Variants in AKAP10 observed in about 807,000 individuals in gnomAD.
The protein encoded by AKAP10 is A-kinase anchoring protein 10, also known as A-kinase anchor protein 10, mitochondrial.
A neutral mutation model predicts 80.8 loss-of-function variants in AKAP10; 24 were observed. The observed-to-expected ratio is 0.30, with a 90% CI of 0.22 to 0.42. AKAP10 has a LOEUF of 0.42. Among genes scored for constraint, AKAP10 ranks in the 10% least tolerant of loss-of-function variants. The pLI is 1.00. For synonymous variants in AKAP10, 291 were observed against 277.7 expected, an observed-to-expected ratio of 1.05 and a Z score of -0.48; for missense variants, 661 against 794.9, an observed-to-expected ratio of 0.83 and a Z score of 2.03.
chr17:19,939,473 A>C (rs1295326850), intron 8 of AKAP10, among the ~76,000 whole-genome samples: 1 of 152,108 alleles, frequency 6.6e-6, no homozygotes, highest in Non-Finnish European at 1.5e-5. Flanking sequence ...CTCTTCTGGG[A>C]AACACTCCTT....
At chr17:19,913,834 T>C (rs2042717018) in intron 12 of AKAP10, among the ~76,000 whole-genome samples, 1 of 152,146 alleles carries the variant, frequency 6.6e-6, no homozygotes, top group Admixed American at 6.6e-5. Context: ...ACCACTCAGA[T>C]AATCCCAAAT....
chr17:19,932,972 T>C (rs1017275693), intron 9 of AKAP10, among the ~76,000 whole-genome samples: 2 of 152,146 alleles, frequency 1.3e-5, no homozygotes, highest in Admixed American at 1.3e-4. Flanking sequence ...ACTTATTCAG[T>C]ATAATTTGTA....
intron 4 of AKAP10, among the ~76,000 whole-genome samples, chr17:19,948,358 G>A (rs1166524058): frequency 6.6e-6 from 1 of 152,192 alleles, no homozygotes; most frequent in Non-Finnish European, 1.5e-5. Flanking sequence ...TTCCAAGACA[G>A]GCCCTCTATT....
chr17:19,960,420 C>T (rs964562423), intron 3 of AKAP10, among the ~76,000 whole-genome samples: 3 of 152,202 alleles, frequency 2.0e-5, no homozygotes, highest in African/African-American at 7.2e-5. Context: ...TTCTCTATTT[C>T]AAGAATATTA....
chr17:19,918,556 G>C (rs1052232036), intron 12 of AKAP10, among the ~76,000 whole-genome samples: 1 of 152,150 alleles, frequency 6.6e-6, no homozygotes, highest in African/African-American at 2.4e-5. Flanking sequence ...TCTTGACCTC[G>C]TGACCCACCT....
chr17:19,919,645 C>T (rs1212663203), intron 12 of AKAP10, among the ~76,000 whole-genome samples: 1 of 151,006 alleles, frequency 6.6e-6, no homozygotes, highest in Non-Finnish European at 1.5e-5. Flanking sequence ...GGTCAGACCA[C>T]TGCACTCCGG....
At chr17:19,932,031 C>A in intron 9 of AKAP10, 53 bp from the exon 10 acceptor site, 2 of 1,497,478 alleles carry the variant, frequency 1.3e-6, no homozygotes, top group South Asian at 1.2e-5. Context: ...CCAACTAAAA[C>A]TGTTTTAAAT....
intron 9 of AKAP10, among the ~76,000 whole-genome samples, chr17:19,934,830 T>C (rs530088212): frequency 2.2e-4 from 33 of 152,228 alleles, no homozygotes; most frequent in Non-Finnish European, 3.2e-4. Flanking sequence ...CTGGCCAAAA[T>C]GGTGAAACCC....
chr17:19,906,267 C>T (rs1297668900), intron 14 of AKAP10, 35 bp from the exon 15 acceptor site: 4 of 1,594,928 alleles, frequency 2.5e-6, no homozygotes, highest in Non-Finnish European at 3.4e-6. Context: ...TGGTAAGGTG[C>T]ATTTCTCTAA....
intron 12 of AKAP10, among the ~76,000 whole-genome samples, chr17:19,914,036 T>C (rs1204504084): frequency 6.6e-6 from 1 of 152,326 alleles, no homozygotes. Flanking sequence ...GGTCTCACTC[T>C]GTCACTAGGC....
At chr17:19,910,134 C>G (rs2042672989) in intron 12 of AKAP10, among the ~76,000 whole-genome samples, 156 bp from the exon 13 acceptor site, 1 of 152,018 alleles carries the variant, frequency 6.6e-6, no homozygotes, top group Non-Finnish European at 1.5e-5. Flanking sequence ...TCAAGACCAG[C>G]CTGGCCAACA....
chr17:19,918,984 T>G lies in AKAP10; in HGVS notation c.1834+1052A>C, dbSNP rs549400679. The stretch of plus-strand genomic sequence containing the variant: ...GGTACATGTGCACAACGTGCAGCTT[T>G]GTTACATATGTATACATGTACCATG... On this transcript the variant is annotated intron_variant, in intron 12 of 14. Coordinates refer to ENST00000225737, the MANE Select transcript of AKAP10 (RefSeq NM_007202.4). Among the ~76,000 whole-genome samples the G allele has an allele frequency of 1.1e-4, 17 of 152,340 alleles. No individual in the cohort carries two copies. In the South Asian group the frequency reaches 3.5e-3, roughly 32 times the overall value.
At chr17:19,907,012 C>CGG (rs886637562) in intron 14 of AKAP10, among the ~76,000 whole-genome samples, 1 of 135,946 alleles carries the variant, frequency 7.4e-6, no homozygotes, top group African/African-American at 3.0e-5. Flanking sequence ...TTCGAGTCTA[C>CGG]TGTTTTTTTT....
chr17:19,911,110 C>T (rs1179351722), intron 12 of AKAP10, among the ~76,000 whole-genome samples: 3 of 152,054 alleles, frequency 2.0e-5, no homozygotes, highest in Non-Finnish European at 4.4e-5. Flanking sequence ...TTTATTATTA[C>T]CTAAGGGTTT....
At chr17:19,950,315 T>A (rs2043185165) in intron 4 of AKAP10, among the ~76,000 whole-genome samples, 1 of 152,200 alleles carries the variant, frequency 6.6e-6, no homozygotes, top group Admixed American at 6.5e-5. Flanking sequence ...CTCGTCTCCC[T>A]CTCCCTCTCC....
chr17:19,944,062 T>G (rs2043078379), intron 5 of AKAP10, among the ~76,000 whole-genome samples: 1 of 152,206 alleles, frequency 6.6e-6, no homozygotes, highest in Admixed American at 6.5e-5. Context: ...CTGAGGACTT[T>G]GCTTCCTGCT....
At position 19,931,853 on chromosome 17, in the gene AKAP10, G is replaced by T. The variant is rs2042937378; in HGVS notation, c.1593C>A (p.Gly531=). 1 of 1,613,956 alleles carries T rather than the reference G, an allele frequency of 6.2e-7. No homozygotes were observed. The highest frequency in any genetic ancestry group is 2.2e-5 in the East Asian group (1 of 44,890). The stretch of plus-strand genomic sequence containing the variant: ...TCCCTGGGTGAGACTCATCAGGAGG[G>T]CCAACAGAGCCAGGAGCAGTCAGCG... The part of the protein sequence containing the change: ...NVSLTAPGSV[G]PPDESHPGSS... Residue 531 remains glycine, a synonymous_variant, in exon 10 of 15, where the codon GGC becomes GGA. Transcript: ENST00000225737.
At chr17:19,912,335 G>A (rs1441362154) in intron 12 of AKAP10, among the ~76,000 whole-genome samples, 2 of 152,138 alleles carry the variant, frequency 1.3e-5, no homozygotes, top group East Asian at 1.9e-4. Context: ...TCAGGAGTTC[G>A]AGACCAGCCT....
intron 12 of AKAP10, among the ~76,000 whole-genome samples, chr17:19,915,105 C>T (rs1214616854): frequency 2.0e-5 from 3 of 152,208 alleles, no homozygotes; most frequent in South Asian, 2.1e-4. Context: ...CTTCTCATCT[C>T]TAATGTAATC....
Sources: gnomAD v4.1 joint callset for allele counts (sites outside exome capture counted in the v4.1 genomes callset) on GRCh38, gnomAD v4.1.1 for gene constraint, MANE v1.5 for transcripts, NCBI Gene and HGNC (gene_info 2026-07-23, HGNC 2026-07-21) for gene names.